UBXN7: variants seen among roughly 807,000 people sequenced by gnomAD.
UBXN7 encodes the protein UBX domain-containing protein 7.
Under a neutral mutation model 58.0 loss-of-function variants are expected in UBXN7, and 9 were observed. The ratio of observed to expected loss-of-function variants is 0.16; its 90% CI spans 0.09 to 0.27. The LOEUF (loss-of-function observed/expected upper bound fraction) is 0.27. UBXN7 is among the 10% of genes least tolerant of loss of function. The probability of loss-of-function intolerance (pLI) is 1.00; values close to 1 mark genes in which losing one functional copy is unlikely to be tolerated. For missense variants in UBXN7, 328 were observed against 599.6 expected (o/e 0.55, Z 4.73); for synonymous variants, 208 against 205.0 (o/e 1.01, Z -0.12).
At chr3:196,431,881 C>T in intron 1 of UBXN7, 1 of 362,224 alleles carries the variant, frequency 2.8e-6, no homozygotes, top group Non-Finnish European at 5.5e-6. Context: ...GGGACCGGGG[C>T]AGAATGACCT....
chr3:196,398,279 T>C (rs1000187431), intron 3 of UBXN7, among the ~76,000 whole-genome samples: 6 of 152,306 alleles, frequency 3.9e-5, no homozygotes, highest in South Asian at 2.1e-4. Context: ...CACACCCAGA[T>C]TGCTGACCCA....
intron 5 of UBXN7, among the ~76,000 whole-genome samples, chr3:196,385,136 G>C (rs1187879970): frequency 6.6e-6 from 1 of 152,190 alleles, no homozygotes; most frequent in Non-Finnish European, 1.5e-5. Context: ...CCGAGTGCCT[G>C]GGATTGCAGG....
chr3:196,364,217 T>C (rs1728591130), intron 8 of UBXN7, among the ~76,000 whole-genome samples: 1 of 152,200 alleles, frequency 6.6e-6, no homozygotes, highest in Non-Finnish European at 1.5e-5. Context: ...ACAAAATACG[T>C]TGTTTGAGTG....
intron 3 of UBXN7, among the ~76,000 whole-genome samples, chr3:196,399,061 G>T (rs987223001): frequency 6.6e-6 from 1 of 152,136 alleles, no homozygotes; most frequent in Non-Finnish European, 1.5e-5. Context: ...GTCTGTCAGC[G>T]ATTTTTCAAG....
intron 5 of UBXN7, among the ~76,000 whole-genome samples, chr3:196,391,309 A>G (rs1312671195): frequency 6.6e-6 from 1 of 152,202 alleles, no homozygotes; most frequent in East Asian, 1.9e-4. Context: ...GCTGGTAGAA[A>G]TATATTTCAT....
intron 5 of UBXN7, among the ~76,000 whole-genome samples, chr3:196,383,151 G>T (rs1577449220): frequency 6.6e-6 from 1 of 151,720 alleles, no homozygotes; most frequent in Non-Finnish European, 1.5e-5. Flanking sequence ...AAACACAGGG[G>T]TTGCAATCCT....
chr3:196,368,936 C>T (rs1290565744), intron 7 of UBXN7, among the ~76,000 whole-genome samples: 3 of 152,082 alleles, frequency 2.0e-5, no homozygotes, highest in Non-Finnish European at 2.9e-5. Context: ...CATTCTCCTG[C>T]CTCAGCCTCC....
intron 5 of UBXN7, among the ~76,000 whole-genome samples, chr3:196,390,706 A>T (rs1577454948): frequency 6.8e-6 from 1 of 147,020 alleles, no homozygotes; most frequent in African/African-American, 2.5e-5. Flanking sequence ...GTGCCACTGC[A>T]CTCCGGCGAG....
At chr3:196,428,726 C>G (rs950445951) in intron 1 of UBXN7, among the ~76,000 whole-genome samples, 2 of 150,784 alleles carry the variant, frequency 1.3e-5, no homozygotes, top group African/African-American at 4.9e-5. Flanking sequence ...GACCCCATCT[C>G]CACAAAAAAT....
At chr3:196,427,060 T>G (rs1730872790) in intron 1 of UBXN7, among the ~76,000 whole-genome samples, 1 of 152,210 alleles carries the variant, frequency 6.6e-6, no homozygotes, top group Non-Finnish European at 1.5e-5. Flanking sequence ...TCTTGTACTC[T>G]TCTTAGCCTC....
At position 196,354,042 on chromosome 3, in the gene UBXN7, T is replaced by G. The variant is rs568501392; in HGVS notation, c.*2643A>C. The G allele has an allele frequency of 7.9e-5, 12 of 152,294 alleles. No homozygotes were observed. The Middle Eastern group carries it at 0.017, about 216-fold the overall frequency. 9.4% of individuals were successfully genotyped at this position (152,294 alleles called of 1,614,324 possible). A position where few individuals can be genotyped will look rare whatever the true frequency, so the allele number is the denominator to read the frequency against. ...CTGGAAGAAGCATACTGTCAGCGGA[T>G]TAAATTCTTGAGCAAGGCAATACTC... On this transcript the variant is annotated 3_prime_UTR_variant, in exon 11 of 11. Coordinates refer to ENST00000296328, the MANE Select transcript of UBXN7 (RefSeq NM_015562.2).
chr3:196,417,921 TAA>T (rs1046279873), intron 1 of UBXN7, among the ~76,000 whole-genome samples: 8 of 138,332 alleles, frequency 5.8e-5, no homozygotes, highest in Admixed American at 1.5e-4. Flanking sequence ...ATCCTGTCTC[TAA>T]AAAAAAAAAA....
intron 3 of UBXN7, among the ~76,000 whole-genome samples, chr3:196,394,836 T>C (rs759572350): frequency 2.6e-5 from 4 of 152,200 alleles, no homozygotes; most frequent in African/African-American, 9.7e-5. Context: ...AAAACATCTT[T>C]AATTCTGGAA....
chr3:196,401,274 A>AATATATATATATATAT (rs780788392), intron 3 of UBXN7, among the ~76,000 whole-genome samples: 4 of 36,878 alleles, frequency 1.1e-4, no homozygotes, highest in Non-Finnish European at 1.7e-4. Flanking sequence ...AAAAAAAAAA[A>AATATATATATATATAT]ATATATATAT....
chr3:196,390,710 C>T (rs530163550), intron 5 of UBXN7, among the ~76,000 whole-genome samples: 5 of 149,232 alleles, frequency 3.4e-5, no homozygotes, highest in South Asian at 4.3e-4. Flanking sequence ...CACTGCACTC[C>T]GGCGAGACTC....
chr3:196,421,002 A>C (rs959973742), intron 1 of UBXN7, among the ~76,000 whole-genome samples: 2 of 152,220 alleles, frequency 1.3e-5, no homozygotes, highest in African/African-American at 4.8e-5. Flanking sequence ...CAGCAATGAT[A>C]CCAAAGTAAG....
intron 1 of UBXN7, among the ~76,000 whole-genome samples, chr3:196,427,913 G>C (rs1038163367): frequency 6.6e-6 from 1 of 152,118 alleles, no homozygotes; most frequent in Non-Finnish European, 1.5e-5. Context: ...GATCACTTGA[G>C]GTCAGTTTGA....
chr3:196,425,234 ACT>A lies in UBXN7; in HGVS notation c.73+7091_73+7092del, dbSNP rs200134803. On this transcript the variant is annotated intron_variant, in intron 1 of 10. Coordinates refer to ENST00000296328, the MANE Select transcript of UBXN7 (RefSeq NM_015562.2). The stretch of plus-strand genomic sequence containing the variant: ...AAACAGAATCCTAAACTTCATTTTG[ACT>A]CTGATTTCTTCCCATACCTTTTGGA... 3.6e-3 allele frequency among the ~76,000 whole-genome samples: 542 copies of A among 152,062 alleles called. 19 individuals are homozygous for A. In the South Asian group the frequency reaches 0.073, roughly 21 times the overall value.
In UBXN7 at chr3:196,375,512, T is replaced by C. The variant is rs114625720; in HGVS notation, c.469-3470A>G. Among the ~76,000 whole-genome samples, 319 of 152,232 alleles carry C rather than the reference T, an allele frequency of 2.1e-3. 1 individual carries two copies. Among genetic ancestry groups the C allele is most frequent in the Middle Eastern group, 6.8e-3 (2 of 294 alleles). ...AAAAGAGAGAGTCTTAAAAATAATC[T>C]AAGTATACCAATTATGTGAATCAAG... On this transcript the variant is annotated intron_variant, in intron 5 of 10. Coordinates refer to ENST00000296328, the MANE Select transcript of UBXN7 (RefSeq NM_015562.2).
Sources: gnomAD v4.1 joint callset for allele counts (sites outside exome capture counted in the v4.1 genomes callset) on GRCh38, gnomAD v4.1.1 for gene constraint, MANE v1.5 for transcripts, NCBI Gene and HGNC (gene_info 2026-07-23, HGNC 2026-07-21) for gene names.